The following EFHD1 variants were observed in gnomAD, a reference collection of about 807,000 sequenced individuals.
The protein encoded by EFHD1 is EF-hand domain family member D1.
In EFHD1, 10 loss-of-function variants were observed where a neutral mutation model predicts 17.2. The ratio of observed to expected loss-of-function variants is 0.58; its 90% CI spans 0.36 to 0.99. The LOEUF (loss-of-function observed/expected upper bound fraction) is 0.99, where lower values mean the gene tolerates loss of function less well. Ranked by LOEUF, EFHD1 falls within the 50% of genes least tolerant of loss-of-function variation. The probability of loss-of-function intolerance (pLI) is 0.01; values close to 1 mark genes in which losing one functional copy is unlikely to be tolerated. For synonymous variants in EFHD1, 153 were observed against 142.0 expected (o/e 1.08, Z -0.55); for missense variants, 310 against 327.5 (o/e 0.95, Z 0.41).
At chr2:232,659,213 C>T (rs1039214247) in intron 1 of EFHD1, among the ~76,000 whole-genome samples, 27 of 152,070 alleles carry the variant, frequency 1.8e-4, no homozygotes, top group Admixed American at 6.6e-5. Context: ...CAATGTAGCT[C>T]TGCCAGCAAG....
upstream of EFHD1, among the ~76,000 whole-genome samples, chr2:232,632,543 T>C (rs995581590): frequency 6.6e-6 from 1 of 152,244 alleles, no homozygotes; most frequent in South Asian, 2.1e-4. Context: ...TATTTGTTTT[T>C]ACCCTCTTGT....
chr2:232,606,235 C>G (rs991865924), intron 1 of EFHD1: 3 of 1,528,502 alleles, frequency 2.0e-6, no homozygotes, highest in Non-Finnish European at 2.7e-6. Context: ...GTTTTCCAGG[C>G]GATTTTTACT....
At chr2:232,652,834 C>G (rs1694685059) in intron 1 of EFHD1, among the ~76,000 whole-genome samples, 1 of 151,750 alleles carries the variant, frequency 6.6e-6, no homozygotes, top group African/African-American at 2.4e-5. Context: ...AAATCCAGGC[C>G]CTAAAGGAAG....
At position 232,681,646 on chromosome 2, in the gene EFHD1, G is replaced by T; in HGVS notation, c.647G>T (p.Arg216Leu). 1 of 1,614,258 alleles carries T rather than the reference G, an allele frequency of 6.2e-7. No individual in the cohort carries two copies. Among genetic ancestry groups the T allele is most frequent in the Non-Finnish European group, 8.5e-7 (1 of 1,180,046 alleles). The change falls in exon 4 of 4, where the codon CGG becomes CTG. Residue 216 changes from arginine (R) to leucine (L), a missense_variant. Physicochemically the swap from Arg to Leu is moderately radical, Grantham distance 102. Transcript: ENST00000264059. ...EAELKAEQDE[R>L]KREEEERRLR... ...GAGTTGAAAGCTGAGCAAGATGAGC[G>T]GAAGCGGGAGGAGGAGGAGAGGCGG...
At chr2:232,651,555 G>A (rs1367487090) in intron 1 of EFHD1, among the ~76,000 whole-genome samples, 1 of 152,226 alleles carries the variant, frequency 6.6e-6, no homozygotes, top group Non-Finnish European at 1.5e-5. Flanking sequence ...CTGGGAGGCT[G>A]AGCCCCTCAC....
At chr2:232,657,555 A>G (rs1256859425) in intron 1 of EFHD1, among the ~76,000 whole-genome samples, 7 of 152,098 alleles carry the variant, frequency 4.6e-5, no homozygotes, top group South Asian at 4.1e-4. Context: ...CACGCCTGTA[A>G]TCCCTGCATT....
chr2:232,647,660 G>C (rs1694559080), intron 1 of EFHD1, among the ~76,000 whole-genome samples: 1 of 39,956 alleles, frequency 2.5e-5, no homozygotes, highest in Admixed American at 2.1e-4. Context: ...TTTTGAGACG[G>C]AGTTTTGCTC....
At chr2:232,661,718 C>T (rs1694870891) in intron 1 of EFHD1, 1 of 148,846 alleles carries the variant, frequency 6.7e-6, no homozygotes, top group African/African-American at 2.4e-5. Flanking sequence ...CACCACCATG[C>T]CCAGCTAATT....
chr2:232,646,491 C>A (rs1694531848), intron 1 of EFHD1, among the ~76,000 whole-genome samples: 1 of 121,388 alleles, frequency 8.2e-6, no homozygotes. Flanking sequence ...GTCACCCAGG[C>A]TGGAGTACAG....
At chr2:232,668,927 C>G (rs1695016070) in intron 2 of EFHD1, among the ~76,000 whole-genome samples, 1 of 152,222 alleles carries the variant, frequency 6.6e-6, no homozygotes. Flanking sequence ...AGCCACCACG[C>G]CCAGCCAGTG....
chr2:232,678,535 A>G (rs192221156), intron 3 of EFHD1, among the ~76,000 whole-genome samples: 5 of 152,338 alleles, frequency 3.3e-5, no homozygotes, highest in Non-Finnish European at 4.4e-5. Context: ...CTGTAATCCT[A>G]GGACTTTGGG....
chr2:232,612,876 G>T (rs1693834945), intron 1 of EFHD1, among the ~76,000 whole-genome samples: 1 of 151,534 alleles, frequency 6.6e-6, no homozygotes, highest in Non-Finnish European at 1.5e-5. Flanking sequence ...GGGACTACAG[G>T]GATACACCAC....
chr2:232,678,003 C>A (rs1470814923), intron 3 of EFHD1, among the ~76,000 whole-genome samples: 4 of 151,958 alleles, frequency 2.6e-5, no homozygotes, highest in African/African-American at 9.7e-5. Flanking sequence ...ACTTCAGGGG[C>A]CAGGAGCAGT....
intron 1 of EFHD1, among the ~76,000 whole-genome samples, chr2:232,642,337 G>GCACTC (rs1694447186): frequency 1.5e-5 from 2 of 132,476 alleles, no homozygotes; most frequent in South Asian, 2.4e-4. Flanking sequence ...TTGCACCACT[G>GCACTC]CACTCCAGCC....
chr2:232,617,407 T>C (rs1693945542), intron 1 of EFHD1, among the ~76,000 whole-genome samples: 1 of 152,052 alleles, frequency 6.6e-6, no homozygotes. Context: ...CCCAGCACTT[T>C]GGGAGGCTGA....
chr2:232,680,545 G>A (rs894908424), intron 3 of EFHD1, among the ~76,000 whole-genome samples: 1 of 152,024 alleles, frequency 6.6e-6, no homozygotes, highest in African/African-American at 2.4e-5. Context: ...AGGGAAAACT[G>A]TATTTTTAAA....
chr2:232,661,927 C>T, intron 1 of EFHD1: 1 of 152,282 alleles, frequency 6.6e-6, no homozygotes, highest in Non-Finnish European at 1.5e-5. Flanking sequence ...CACCTTTTGG[C>T]TGTTGTAAAC....
In EFHD1 at chr2:232,681,893, G is replaced by C; in HGVS notation, c.*174G>C. 8 of 1,076,782 alleles carry C rather than the reference G, an allele frequency of 7.4e-6. No homozygotes were observed. Among genetic ancestry groups the C allele is most frequent in the Non-Finnish European group, 1.0e-5 (8 of 778,078 alleles). 66.7% of individuals were successfully genotyped at this position (1,076,782 alleles called of 1,614,324 possible). ...TCCTCCCAGTGTCCAAGCCCCTCCA[G>C]GAGGGTCCTGGGGTGGGCCAGATGC... On this transcript the variant is annotated 3_prime_UTR_variant, in exon 4 of 4. Coordinates refer to ENST00000264059, the MANE Select transcript of EFHD1 (RefSeq NM_025202.4).
At chr2:232,613,619 C>CACATAT (rs1365764781) in intron 1 of EFHD1, among the ~76,000 whole-genome samples, 8 of 105,060 alleles carry the variant, frequency 7.6e-5, no homozygotes, top group African/African-American at 2.6e-4. Flanking sequence ...CACACACACA[C>CACATAT]ACACACACAC....
Sources: gnomAD v4.1 joint callset for allele counts (sites outside exome capture counted in the v4.1 genomes callset) on GRCh38, gnomAD v4.1.1 for gene constraint, MANE v1.5 for transcripts, NCBI Gene and HGNC (gene_info 2026-07-23, HGNC 2026-07-21) for gene names.